NEK5: variants seen among roughly 807,000 people sequenced by gnomAD.
NEK5 encodes the protein NIMA related kinase 5.
NEK5 carries 88 observed loss-of-function variants against 109.2 expected under a neutral mutation model. The observed-to-expected ratio is 0.81, with a 90% confidence interval of 0.68 to 0.96. The LOEUF (loss-of-function observed/expected upper bound fraction) is 0.96, where lower values mean the gene tolerates loss of function less well. Among genes scored for constraint, NEK5 ranks in the 40% least tolerant of loss-of-function variants. The probability of loss-of-function intolerance (pLI) is 0.00; values close to 1 mark genes in which losing one functional copy is unlikely to be tolerated. For missense variants in NEK5, 834 were observed against 920.7 expected (o/e 0.91, Z 1.22); for synonymous variants, 283 against 299.9 (o/e 0.94, Z 0.58).
intron 21 of NEK5, among the ~76,000 whole-genome samples, chr13:52,064,277 C>T (rs1428047962): frequency 2.0e-3 from 220 of 111,790 alleles, no homozygotes; most frequent in East Asian, 3.7e-3. Context: ...AGGTGAGGGG[C>T]GCCTCTGCCC....
intron 22 of NEK5, among the ~76,000 whole-genome samples, chr13:52,060,118 C>T (rs1954598807): frequency 2.0e-5 from 3 of 151,992 alleles, no homozygotes; most frequent in Admixed American, 6.6e-5. Flanking sequence ...CTCCAAATAA[C>T]ATATAATGCT....
chr13:52,098,570 T>C (rs1350616164), intron 12 of NEK5, among the ~76,000 whole-genome samples: 1 of 152,108 alleles, frequency 6.6e-6, no homozygotes, highest in African/African-American at 2.4e-5. Flanking sequence ...ATTCAAATAA[T>C]TAAACACAAA....
At chr13:52,090,796 C>G (rs1283363256) in intron 13 of NEK5, among the ~76,000 whole-genome samples, 1 of 152,052 alleles carries the variant, frequency 6.6e-6, no homozygotes, top group East Asian at 1.9e-4. Flanking sequence ...GAGGCCAAGG[C>G]GGGTGGATCA....
intron 17 of NEK5, 110 bp downstream of exon 17, chr13:52,083,150 A>G: frequency 1.6e-6 from 1 of 627,720 alleles, no homozygotes; most frequent in Admixed American, 2.6e-5. Context: ...GTCTCATAGA[A>G]AAAAAAAAAA....
intron 23 of NEK5, among the ~76,000 whole-genome samples, chr13:52,040,543 T>A (rs1444373126): frequency 6.6e-6 from 1 of 152,228 alleles, no homozygotes; most frequent in African/African-American, 2.4e-5. Flanking sequence ...TTTTCTTATG[T>A]TTGGATTCCT....
At chr13:52,106,468 T>C (rs1280447299) in intron 8 of NEK5, among the ~76,000 whole-genome samples, 10 of 152,124 alleles carry the variant, frequency 6.6e-5, no homozygotes, top group African/African-American at 1.9e-4. Context: ...CAGTATACAT[T>C]AGCATTACTG....
chr13:52,042,470 C>CA (rs35809075), intron 23 of NEK5, among the ~76,000 whole-genome samples: 3 of 146,102 alleles, frequency 2.1e-5, no homozygotes, highest in Admixed American at 1.4e-4. Flanking sequence ...TCCACACTTA[C>CA]AAAAAAAAAA....
At chr13:52,121,178 A>G in intron 3 of NEK5, among the ~76,000 whole-genome samples, 1 of 143,420 alleles carries the variant, frequency 7.0e-6, no homozygotes, top group Non-Finnish European at 1.5e-5. Flanking sequence ...TTTTTTTTTA[A>G]GACAAGGTCT....
chr13:52,084,254 A>G (rs1268105163), intron 16 of NEK5, among the ~76,000 whole-genome samples: 1 of 152,040 alleles, frequency 6.6e-6, no homozygotes, highest in Non-Finnish European at 1.5e-5. Flanking sequence ...TTTTTGGGAC[A>G]GGGCCTCCCT....
chr13:52,093,003 T>G, intron 13 of NEK5, 51 bp downstream of exon 13: 1 of 1,200,080 alleles, frequency 8.3e-7, no homozygotes, highest in Non-Finnish European at 1.2e-6. Flanking sequence ...AATGTTAATA[T>G]ATAAAGATAT....
intron 23 of NEK5, among the ~76,000 whole-genome samples, chr13:52,042,577 A>C (rs1202136508): frequency 6.6e-6 from 1 of 151,770 alleles, no homozygotes; most frequent in Non-Finnish European, 1.5e-5. Context: ...CTCTACTTGC[A>C]CTATAAATGT....
intron 17 of NEK5, among the ~76,000 whole-genome samples, chr13:52,079,006 G>T (rs1361428044): frequency 6.6e-6 from 1 of 152,224 alleles, no homozygotes; most frequent in African/African-American, 2.4e-5. Context: ...CCCTTCCCAA[G>T]TTTGCAGGGC....
At chr13:52,075,699 TATTAA>T in intron 19 of NEK5, 54 bp downstream of exon 19, 1 of 984,128 alleles carries the variant, frequency 1.0e-6, no homozygotes, top group Non-Finnish European at 1.5e-6. Flanking sequence ...TGAAACATGC[TATTAA>T]GATATATGCA....
chr13:52,078,857 T>G (rs1302565839), intron 17 of NEK5, among the ~76,000 whole-genome samples: 1 of 152,202 alleles, frequency 6.6e-6, no homozygotes, highest in African/African-American at 2.4e-5. Flanking sequence ...TTAAGGAAAG[T>G]AAAGTAATGG....
intron 13 of NEK5, among the ~76,000 whole-genome samples, chr13:52,092,318 C>T (rs73184358): frequency 1.8e-3 from 277 of 151,968 alleles, no homozygotes; most frequent in Non-Finnish European, 3.0e-3. Context: ...GTAATTCCCA[C>T]GTAATTTATA....
intron 23 of NEK5, among the ~76,000 whole-genome samples, chr13:52,048,532 G>T (rs1011761247): frequency 2.6e-5 from 4 of 152,082 alleles, no homozygotes; most frequent in Non-Finnish European, 5.9e-5. Context: ...AGAAAAAAGA[G>T]ACATAGAGAG....
chr13:52,053,922 C>A (rs976682479), intron 22 of NEK5, among the ~76,000 whole-genome samples: 1 of 152,116 alleles, frequency 6.6e-6, no homozygotes, highest in African/African-American at 2.4e-5. Context: ...ATTTTGCAAG[C>A]GGAGGGCAGC....
At chr13:52,079,666 C>T (rs1183019430) in intron 17 of NEK5, among the ~76,000 whole-genome samples, 1 of 152,366 alleles carries the variant, frequency 6.6e-6, no homozygotes, top group Middle Eastern at 3.4e-3. Context: ...CCACCTCCCA[C>T]CCGCCTGCCT....
rs148530667 is a variant in NEK5, at chr13:52,096,071, C to G, written c.1027-2836G>C. ...TCCTCCTGCATGTAAGATGAGCCTG[C>G]CTCCCCTTCTGCTATGATTATAAAT... On this transcript the variant is annotated intron_variant, in intron 12 of 23. Coordinates refer to ENST00000684899, the MANE Select transcript of NEK5 (RefSeq NM_001365552.1). 1.4e-3 allele frequency among the ~76,000 whole-genome samples: 212 copies of G among 152,278 alleles called. No homozygotes were observed. The East Asian group carries it at 0.031, about 23-fold the overall frequency.
Sources: gnomAD v4.1 joint callset for allele counts (sites outside exome capture counted in the v4.1 genomes callset) on GRCh38, gnomAD v4.1.1 for gene constraint, MANE v1.5 for transcripts, NCBI Gene and HGNC (gene_info 2026-07-23, HGNC 2026-07-21) for gene names.